GARIN1B: variants seen among roughly 807,000 people sequenced by gnomAD.
GARIN1B encodes the protein golgi associated RAB2 interactor 1B.
chr7:128,715,200 T>A, the GARIN1B span: 1 of 973,056 alleles, frequency 1.0e-6, no homozygotes, highest in African/African-American at 1.8e-5. Context: ...GACTATGTCC[T>A]GGGGTTCCGA....
the GARIN1B span, among the ~76,000 whole-genome samples, chr7:128,716,036 C>A: frequency 6.6e-6 from 1 of 152,158 alleles, no homozygotes; most frequent in African/African-American, 2.4e-5. Flanking sequence ...AACAATAATG[C>A]GGATTGGCGA....
chr7:128,716,788 G>A, the GARIN1B span: 4 of 1,582,434 alleles, frequency 2.5e-6, no homozygotes, highest in Non-Finnish European at 3.4e-6. Flanking sequence ...AAATGCTCAG[G>A]TTGTGCCTGG....
At chr7:128,713,336 G>A in the GARIN1B span, among the ~76,000 whole-genome samples, 1 of 152,078 alleles carries the variant, frequency 6.6e-6, no homozygotes. Context: ...AAACAGAATG[G>A]GTGTTGGGAC....
chr7:128,721,536 G>A, the GARIN1B span, among the ~76,000 whole-genome samples: 1 of 151,646 alleles, frequency 6.6e-6, no homozygotes. Context: ...ACACACTCAT[G>A]CCATCTGCAA....
the GARIN1B span, among the ~76,000 whole-genome samples, chr7:128,712,562 A>G: frequency 1.3e-5 from 2 of 152,242 alleles, no homozygotes; most frequent in Non-Finnish European, 2.9e-5. Flanking sequence ...TCCAGCCCCA[A>G]CTGACAACCA....
chr7:128,718,329 G>A, the GARIN1B span, among the ~76,000 whole-genome samples: 1 of 151,900 alleles, frequency 6.6e-6, no homozygotes. Flanking sequence ...CTACTGAGGA[G>A]GCTAGGGCAG....
At chr7:128,726,602 G>T in the GARIN1B span, among the ~76,000 whole-genome samples, 7 of 151,558 alleles carry the variant, frequency 4.6e-5, no homozygotes, top group Non-Finnish European at 8.8e-5. Context: ...CATGGGCTCT[G>T]CTCCCCACCT....
the GARIN1B span, chr7:128,719,198 ACAG>A: frequency 2.0e-6 from 2 of 1,006,012 alleles, no homozygotes; most frequent in Non-Finnish European, 2.9e-6. Context: ...CCTTTTCTAA[ACAG>A]CTTTATTGAG....
the GARIN1B span, chr7:128,715,522 C>T: frequency 3.8e-4 from 619 of 1,614,150 alleles, 6 homozygotes; most frequent in South Asian, 4.5e-3. Context: ...ATCCAACCTT[C>T]CCTTCCCTGA....
At chr7:128,731,112 G>A in the GARIN1B span, 2 of 1,611,828 alleles carry the variant, frequency 1.2e-6, no homozygotes, top group Non-Finnish European at 1.7e-6. Flanking sequence ...AATTCTATTT[G>A]AGCCACCCTT....
the GARIN1B span, among the ~76,000 whole-genome samples, chr7:128,717,328 T>C: frequency 1.3e-5 from 2 of 152,232 alleles, no homozygotes; most frequent in East Asian, 1.9e-4. Context: ...GGAGCACTGG[T>C]TGGGGAAAGG....
the GARIN1B span, among the ~76,000 whole-genome samples, chr7:128,722,289 C>T: frequency 5.9e-5 from 9 of 152,266 alleles, no homozygotes; most frequent in South Asian, 4.1e-4. Context: ...ACAGAAACTC[C>T]ATGAAGGCAG....
At chr7:128,729,880 T>C in the GARIN1B span, 1 of 1,608,598 alleles carries the variant, frequency 6.2e-7, no homozygotes, top group Non-Finnish European at 8.5e-7. Flanking sequence ...CACAAGCAAA[T>C]GCATTTCTTT....
chr7:128,724,645 T>C, the GARIN1B span: 1 of 1,087,040 alleles, frequency 9.2e-7, no homozygotes. Flanking sequence ...CCAGATAAAG[T>C]GGGATCCAGG....
At chr7:128,712,151 A>G in the GARIN1B span, among the ~76,000 whole-genome samples, 2 of 152,260 alleles carry the variant, frequency 1.3e-5, no homozygotes, top group African/African-American at 4.8e-5. Context: ...ATAGATTTAA[A>G]TGGGACAGAC....
At chr7:128,729,827 C>T in the GARIN1B span, 36 of 1,506,690 alleles carry the variant, frequency 2.4e-5, no homozygotes, top group African/African-American at 3.3e-4. Flanking sequence ...TAAGCACCCC[C>T]CCAAATGTCA....
At chr7:128,712,644 C>A in the GARIN1B span, among the ~76,000 whole-genome samples, 3 of 152,196 alleles carry the variant, frequency 2.0e-5, no homozygotes, top group Non-Finnish European at 2.9e-5. Flanking sequence ...AGCCTCAAAC[C>A]AAAGGACAGT....
the GARIN1B span, chr7:128,723,077 G>A: frequency 8.3e-7 from 1 of 1,201,908 alleles, no homozygotes; most frequent in Non-Finnish European, 1.1e-6. Flanking sequence ...TGAGCAGCTG[G>A]TGTGGCTGCA....
chr7:128,717,034 T>C, the GARIN1B span: 27 of 1,545,168 alleles, frequency 1.7e-5, no homozygotes, highest in Admixed American at 3.8e-5. Context: ...ACAAGAGGGG[T>C]GAGGGGTGGA....
Sources: allele counts gnomAD v4.1 joint callset (sites outside exome capture counted in the v4.1 genomes callset), GRCh38; gene constraint gnomAD v4.1.1; transcripts MANE v1.5; gene names NCBI Gene and HGNC (gene_info 2026-07-23, HGNC 2026-07-21).